ZBTB38: variants seen among roughly 807,000 people sequenced by gnomAD.
ZBTB38 encodes zinc finger and BTB domain containing 38.
In ZBTB38, 20 loss-of-function variants were observed where a neutral mutation model predicts 76.8. That is an observed-to-expected ratio of 0.26 (90% CI 0.18 to 0.38). The LOEUF (loss-of-function observed/expected upper bound fraction) is 0.38, where lower values mean the gene tolerates loss of function less well. Among genes scored for constraint, ZBTB38 ranks in the 10% least tolerant of loss-of-function variants. The pLI is 1.00. For missense variants in ZBTB38, 1,082 were observed against 1,482.3 expected (o/e 0.73, Z 4.43); for synonymous variants, 504 against 544.2 (o/e 0.93, Z 1.03).
intron 1 of ZBTB38, among the ~76,000 whole-genome samples, chr3:141,335,768 T>A (rs963678611): frequency 6.6e-6 from 1 of 152,256 alleles, no homozygotes; most frequent in Non-Finnish European, 1.5e-5. Context: ...GCATGCTGTT[T>A]CATCACAATA....
intron 1 of ZBTB38, among the ~76,000 whole-genome samples, chr3:141,349,355 A>G (rs1943455846): frequency 6.6e-6 from 1 of 152,226 alleles, no homozygotes; most frequent in Admixed American, 6.5e-5. Flanking sequence ...TCACAACTCT[A>G]GGAAGAAACT....
chr3:141,409,336 G>A (rs575044526), intron 5 of ZBTB38, among the ~76,000 whole-genome samples: 104 of 152,224 alleles, frequency 6.8e-4, no homozygotes, highest in African/African-American at 2.4e-3. Context: ...GTGAGCCACC[G>A]TGCCCATCCT....
chr3:141,398,248 G>A lies in ZBTB38; in HGVS notation c.-105-5679G>A, dbSNP rs567447052. On this transcript the variant is annotated intron_variant, in intron 4 of 5. Transcript: ENST00000321464. Reference sequence around the variant, plus strand: ...TTGGCCAGATTCAGTCCACCTGTGTGTTTGTTTCACTTCTAACAATGTTTT... The same window carrying A: ...TTGGCCAGATTCAGTCCACCTGTGTATTTGTTTCACTTCTAACAATGTTTT... 7.9e-5 allele frequency among the ~76,000 whole-genome samples: 12 copies of A among 152,262 alleles called. No individual in the cohort carries two copies. The South Asian group carries it at 2.5e-3, about 32-fold the overall frequency.
chr3:141,438,212 CT>C (rs1300606813), intron 5 of ZBTB38: 110 of 137,448 alleles, frequency 8.0e-4, no homozygotes, highest in Middle Eastern at 4.4e-3. Context: ...CACTTTCTTT[CT>C]TTTTTTTTTT....
intron 1 of ZBTB38, among the ~76,000 whole-genome samples, chr3:141,358,781 G>T (rs1272799725): frequency 6.6e-6 from 1 of 152,174 alleles, no homozygotes; most frequent in African/African-American, 2.4e-5. Context: ...TGCCCCTATA[G>T]ATTTCCCTGT....
intron 5 of ZBTB38, among the ~76,000 whole-genome samples, chr3:141,410,173 T>C (rs1214409292): frequency 6.6e-6 from 1 of 152,154 alleles, no homozygotes; most frequent in African/African-American, 2.4e-5. Flanking sequence ...GGGGTCTCAA[T>C]GTAGTAGCTC....
At chr3:141,334,326 G>A (rs1166727786) in intron 1 of ZBTB38, among the ~76,000 whole-genome samples, 1 of 151,810 alleles carries the variant, frequency 6.6e-6, no homozygotes, top group Non-Finnish European at 1.5e-5. Flanking sequence ...AATGTGAGGG[G>A]GGATGCTTTC....
intron 1 of ZBTB38, among the ~76,000 whole-genome samples, chr3:141,362,501 A>G (rs1943851449): frequency 6.6e-6 from 1 of 152,230 alleles, no homozygotes; most frequent in East Asian, 1.9e-4. Context: ...CCATTATTAT[A>G]TATCAGACAT....
chr3:141,351,812 T>TA (rs1943525941), intron 1 of ZBTB38, among the ~76,000 whole-genome samples: 1 of 151,932 alleles, frequency 6.6e-6, no homozygotes, highest in South Asian at 2.1e-4. Flanking sequence ...TGTTAAATAT[T>TA]AAGTGCAATC....
chr3:141,391,891 C>T (rs1948987714), intron 4 of ZBTB38, among the ~76,000 whole-genome samples: 1 of 152,090 alleles, frequency 6.6e-6, no homozygotes. Flanking sequence ...CACATCTTTG[C>T]CTGTTGGTGG....
chr3:141,365,536 G>T (rs896419684), upstream of ZBTB38, among the ~76,000 whole-genome samples: 2 of 152,168 alleles, frequency 1.3e-5, no homozygotes, highest in African/African-American at 2.4e-5. Flanking sequence ...ATTAATCCAT[G>T]AGTGGATTAA....
At chr3:141,438,966 ATTT>A (rs56348132) in intron 5 of ZBTB38, among the ~76,000 whole-genome samples, 4 of 140,044 alleles carry the variant, frequency 2.9e-5, no homozygotes, top group Admixed American at 7.0e-5. Flanking sequence ...ATCATTTTTA[ATTT>A]TTTTTTTTTT....
intron 5 of ZBTB38, among the ~76,000 whole-genome samples, chr3:141,426,640 C>T (rs2076452789): frequency 6.6e-6 from 1 of 152,174 alleles, no homozygotes; most frequent in Non-Finnish European, 1.5e-5. Context: ...TTTACAAACA[C>T]CCAGCACCAA....
chr3:141,341,202 G>A (rs1943188689), intron 1 of ZBTB38, among the ~76,000 whole-genome samples: 1 of 152,194 alleles, frequency 6.6e-6, no homozygotes, highest in Admixed American at 6.5e-5. Flanking sequence ...CTACATTGCT[G>A]GTGGGACTGT....
chr3:141,325,016 C>A (rs1942630139), intron 1 of ZBTB38, among the ~76,000 whole-genome samples: 3 of 152,210 alleles, frequency 2.0e-5, no homozygotes, highest in South Asian at 4.1e-4. Context: ...GCCGTTTGTT[C>A]TGTGTCTATG....
At chr3:141,332,582 TATA>T (rs1942885914) in intron 1 of ZBTB38, among the ~76,000 whole-genome samples, 1 of 152,182 alleles carries the variant, frequency 6.6e-6, no homozygotes, top group African/African-American at 2.4e-5. Context: ...TGTCAGGGGC[TATA>T]ATATGTAATG....
chr3:141,439,988 TCC>T (rs2079738019), intron 5 of ZBTB38, among the ~76,000 whole-genome samples: 1 of 152,188 alleles, frequency 6.6e-6, no homozygotes, highest in South Asian at 2.1e-4. Flanking sequence ...ACTCCTTCAC[TCC>T]GGGGTCACCC....
At chr3:141,435,350 T>C (rs1213193309) in intron 5 of ZBTB38, among the ~76,000 whole-genome samples, 1 of 152,240 alleles carries the variant, frequency 6.6e-6, no homozygotes, top group Non-Finnish European at 1.5e-5. Flanking sequence ...ATCCTATTTC[T>C]ACATCTGTGC....
At chr3:141,347,514 G>C (rs1943398507) in intron 1 of ZBTB38, among the ~76,000 whole-genome samples, 2 of 152,222 alleles carry the variant, frequency 1.3e-5, no homozygotes, top group African/African-American at 4.8e-5. Context: ...ACACGGGCCT[G>C]TTTGGTTTCA....
Sources: allele counts gnomAD v4.1 joint callset (sites outside exome capture counted in the v4.1 genomes callset), GRCh38; gene constraint gnomAD v4.1.1; transcripts MANE v1.5; gene names NCBI Gene and HGNC (gene_info 2026-07-23, HGNC 2026-07-21).